RASEF: variants seen among roughly 807,000 people sequenced by gnomAD.
RASEF encodes the protein RAS and EF-hand domain containing, also known as ras and EF-hand domain-containing protein.
Under a neutral mutation model 90.1 loss-of-function variants are expected in RASEF, and 68 were observed. That is an observed-to-expected ratio of 0.75 (90% CI 0.62 to 0.92). The LOEUF is 0.92. Among genes scored for constraint, RASEF ranks in the 40% least tolerant of loss-of-function variants. The probability of loss-of-function intolerance (pLI) is 0.00; values close to 1 mark genes in which losing one functional copy is unlikely to be tolerated. For synonymous variants in RASEF, 331 were observed against 345.2 expected (o/e 0.96, Z 0.46); for missense variants, 949 against 937.2 (o/e 1.01, Z -0.16).
intron 1 of RASEF, chr9:83,055,374 G>A (rs1204613160): frequency 2.5e-5 from 12 of 482,312 alleles, no homozygotes; most frequent in Middle Eastern, 5.8e-4. Flanking sequence ...GCGCTTCCCA[G>A]GTGAGGCAAT....
At chr9:83,035,864 T>TCC (rs1829732561) in intron 1 of RASEF, among the ~76,000 whole-genome samples, 1 of 152,230 alleles carries the variant, frequency 6.6e-6, no homozygotes, top group Non-Finnish European at 1.5e-5. Flanking sequence ...ATGTTCGTTG[T>TCC]CCTGTATCCT....
At chr9:83,206,990 T>C in the RASEF span, among the ~76,000 whole-genome samples, 2 of 152,082 alleles carry the variant, frequency 1.3e-5, no homozygotes. Flanking sequence ...CTCCTGGAGA[T>C]ATGACACCTG....
the RASEF span, among the ~76,000 whole-genome samples, chr9:83,128,576 T>G: frequency 6.6e-6 from 1 of 151,380 alleles, no homozygotes; most frequent in African/African-American, 2.4e-5. Context: ...CAGTTTTGGG[T>G]GGGGGGGCCA....
the RASEF span, among the ~76,000 whole-genome samples, chr9:83,081,865 A>G: frequency 6.6e-6 from 1 of 152,332 alleles, no homozygotes; most frequent in African/African-American, 2.4e-5. Flanking sequence ...AAACAGTGCA[A>G]TGTAACTGGT....
At chr9:83,175,681 C>T in the RASEF span, among the ~76,000 whole-genome samples, 8 of 151,936 alleles carry the variant, frequency 5.3e-5, no homozygotes, top group Non-Finnish European at 8.8e-5. Context: ...TCTGGGTTCA[C>T]GCCATTCTCC....
At chr9:83,021,295 T>C (rs369346992) in intron 3 of RASEF, among the ~76,000 whole-genome samples, 71 of 152,324 alleles carry the variant, frequency 4.7e-4, no homozygotes, top group African/African-American at 1.6e-3. Context: ...GCCACCTAGA[T>C]ACAATCTGGG....
At chr9:83,090,500 T>A in the RASEF span, among the ~76,000 whole-genome samples, 1 of 151,828 alleles carries the variant, frequency 6.6e-6, no homozygotes, top group Non-Finnish European at 1.5e-5. Flanking sequence ...ACCTCCCAGG[T>A]TCAAGTGATT....
chr9:83,147,010 A>ATG, the RASEF span, among the ~76,000 whole-genome samples: 40 of 143,664 alleles, frequency 2.8e-4, no homozygotes, highest in Non-Finnish European at 4.7e-4. Flanking sequence ...GCGTGTGTAT[A>ATG]TGTGTGTGTG....
At chr9:83,089,947 T>TAGATAGAG in the RASEF span, among the ~76,000 whole-genome samples, 1 of 142,942 alleles carries the variant, frequency 7.0e-6, no homozygotes, top group Non-Finnish European at 1.5e-5. Context: ...GATAGATAGA[T>TAGATAGAG]ATAGATATAT....
intron 1 of RASEF, among the ~76,000 whole-genome samples, chr9:83,061,535 T>A (rs1050007991): frequency 3.3e-5 from 5 of 152,148 alleles, no homozygotes; most frequent in Admixed American, 3.3e-4. Context: ...CGCTGGGGCA[T>A]GAAGTGAAAA....
the RASEF span, among the ~76,000 whole-genome samples, chr9:83,119,902 A>G: frequency 6.6e-6 from 1 of 152,256 alleles, no homozygotes; most frequent in African/African-American, 2.4e-5. Context: ...GATTAAAACC[A>G]TTGAATATTC....
rs747178297 is a variant in RASEF, at chr9:83,000,162, G to C, written c.1723+7C>G. ...TTTCCCATTATCAACCGAAATACGA[G>C]CCATACCCAGGGTGGCGCTTATATT... On this transcript the variant is annotated splice_region_variant and intron_variant, in intron 12 of 16. Coordinates refer to ENST00000376447, the MANE Select transcript of RASEF (RefSeq NM_152573.4). 3.1e-6 allele frequency: 5 copies of C among 1,611,498 alleles called. No homozygotes were observed. In the Admixed American group the frequency reaches 8.4e-5, roughly 27 times the overall value.
In RASEF at chr9:83,026,008, TGAA is replaced by T; in HGVS notation, c.432-90_432-88del. 5 of 968,846 alleles carry T rather than the reference TGAA, an allele frequency of 5.2e-6. No homozygotes were observed. The South Asian group carries it at 7.4e-5, about 14-fold the overall frequency. 60.0% of individuals were successfully genotyped at this position (968,846 alleles called of 1,614,324 possible). On this transcript the variant is annotated intron_variant, in intron 1 of 16. Coordinates refer to ENST00000376447, the MANE Select transcript of RASEF (RefSeq NM_152573.4). ...GGCTTTTAAGAAAGAGAAACATAAA[TGAA>T]GAACTAAGGAAAGAAAAACCAGCAA...
the RASEF span, among the ~76,000 whole-genome samples, chr9:83,120,775 G>A: frequency 6.6e-6 from 1 of 152,124 alleles, no homozygotes; most frequent in Non-Finnish European, 1.5e-5. Flanking sequence ...CAGTGATAAA[G>A]ACCCTGCCAG....
chr9:83,134,578 CTTCT>C, the RASEF span, among the ~76,000 whole-genome samples: 2 of 152,076 alleles, frequency 1.3e-5, no homozygotes, highest in South Asian at 4.1e-4. Context: ...TAAAAAATTA[CTTCT>C]TTCTAATTAT....
intron 1 of RASEF, chr9:83,048,431 C>G (rs1829972114): frequency 1.0e-6 from 1 of 985,156 alleles, no homozygotes; most frequent in Admixed American, 6.2e-5. Flanking sequence ...ATGTCATCAC[C>G]TTCTGAATAG....
intron 1 of RASEF, among the ~76,000 whole-genome samples, chr9:83,059,392 C>CA (rs1830166347): frequency 6.7e-6 from 1 of 149,248 alleles, no homozygotes; most frequent in Admixed American, 6.7e-5. Context: ...AGAGAACCTG[C>CA]AAAAGAAGTG....
Position 82,982,733 on chromosome 9 carries a change from G to T in RASEF, c.2167C>A (p.Leu723Ile), listed in dbSNP as rs1454199891. Reference sequence around the variant, plus strand: ...GACTTTTTGGAATTGGTCCCGGTTAGATTGGTAATGGATCTGCTGTCATCC... The same window carrying T: ...GACTTTTTGGAATTGGTCCCGGTTATATTGGTAATGGATCTGCTGTCATCC... ...DKDDSRSITN[L>I]TGTNSKKSPQ... Residue 723 changes from leucine (L) to isoleucine (I), a missense_variant, in exon 17 of 17, where the codon CTA (leucine) becomes ATA (isoleucine). Physicochemically the swap from Leu to Ile is conservative, Grantham distance 5. Around this residue, in one of 3 missense-constraint regions of RASEF, gnomAD observed 288 missense variants for 328.4 expected, o/e 0.88. Coordinates refer to ENST00000376447, the MANE Select transcript of RASEF (RefSeq NM_152573.4). 2 of 1,611,252 alleles carry T rather than the reference G, an allele frequency of 1.2e-6. No homozygotes were observed. The highest frequency in any genetic ancestry group is 2.2e-5 in the East Asian group (1 of 44,834).
At chr9:83,080,376 A>C in the RASEF span, among the ~76,000 whole-genome samples, 4 of 152,248 alleles carry the variant, frequency 2.6e-5, no homozygotes, top group African/African-American at 9.6e-5. Context: ...ATCAAAGGCA[A>C]AGGAACTTTC....
Sources: gnomAD v4.1 joint callset for allele counts (sites outside exome capture counted in the v4.1 genomes callset) on GRCh38, gnomAD v4.1.1 for gene constraint, gnomAD v4.1.1 regional missense constraint, MANE v1.5 for transcripts, NCBI Gene and HGNC (gene_info 2026-07-23, HGNC 2026-07-21) for gene names.